The following MTA3 variants were observed in gnomAD, a reference collection of about 807,000 sequenced individuals.
MTA3 encodes metastasis-associated protein MTA3.
A neutral mutation model predicts 83.5 loss-of-function variants in MTA3; 34 were observed. The ratio of observed to expected loss-of-function variants is 0.41; its 90% CI spans 0.31 to 0.54. The LOEUF (loss-of-function observed/expected upper bound fraction) is 0.54, where lower values mean the gene tolerates loss of function less well. Among genes scored for constraint, MTA3 ranks in the 20% least tolerant of loss-of-function variants. MTA3 has a pLI of 0.33. For missense variants in MTA3, 761 were observed against 726.4 expected, an observed-to-expected ratio of 1.05 and a Z score of -0.55; for synonymous variants, 303 against 252.7, an observed-to-expected ratio of 1.20 and a Z score of -1.89.
At chr2:42,535,125 G>A (rs1420556663) in intron 2 of MTA3, among the ~76,000 whole-genome samples, 7 of 151,930 alleles carry the variant, frequency 4.6e-5, no homozygotes, top group East Asian at 3.9e-4. Flanking sequence ...GGTGGCTCAC[G>A]CCTGTAATCC....
chr2:42,694,926 C>G (rs1201916526), intron 9 of MTA3, among the ~76,000 whole-genome samples: 3 of 151,932 alleles, frequency 2.0e-5, no homozygotes, highest in Admixed American at 6.6e-5. Flanking sequence ...ATTCCTTGAA[C>G]CTAGTTGTTC....
intron 2 of MTA3, among the ~76,000 whole-genome samples, chr2:42,532,398 T>A (rs1676021417): frequency 1.3e-5 from 2 of 152,180 alleles, no homozygotes; most frequent in Admixed American, 1.3e-4. Flanking sequence ...TAATCCCAAC[T>A]ACCTGGGAGG....
Position 42,604,205 on chromosome 2 carries a change from C to T in MTA3, c.191-5253C>T, listed in dbSNP as rs1406535499. ...TACAGGCTCCCGCCACTATGCCCAG[C>T]TAATATTTTGTACTTTTAGTAGAGA... On this transcript the variant is annotated intron_variant, in intron 3 of 16. Transcript: ENST00000405094. Among the ~76,000 whole-genome samples the T allele has an allele frequency of 2.0e-5, 3 of 152,108 alleles. No homozygotes were observed. In the East Asian group the frequency reaches 5.8e-4, roughly 30 times the overall value.
intron 3 of MTA3, among the ~76,000 whole-genome samples, chr2:42,607,034 G>C (rs765882717): frequency 2.0e-5 from 3 of 146,914 alleles, no homozygotes; most frequent in Non-Finnish European, 3.0e-5. Context: ...GTCCAGCTTC[G>C]GCTCCGCATG....
rs146921280 is a variant in MTA3, at chr2:42,745,824, C to CTTTTTTTTTTTTTTTTTTTTTTGTTT, written c.1760-7542_1760-7541insTTTTTTTTTTTTTTGTTTTTTTTTTT. 1.7e-5 allele frequency among the ~76,000 whole-genome samples: 2 copies of CTTTTTTTTTTTTTTTTTTTTTTGTTT among 119,372 alleles called. 1 individual carries two copies. Among genetic ancestry groups the CTTTTTTTTTTTTTTTTTTTTTTGTTT allele is most frequent in the Non-Finnish European group, 3.4e-5 (2 of 58,290 alleles). The allele number at this position is 119,372 out of a possible 152,430, so 78.3% of individuals were successfully genotyped here. A position where few individuals can be genotyped will look rare whatever the true frequency, so the allele number is the denominator to read the frequency against. Reference sequence around the variant, plus strand: ...TTTTATGTCCTTTTGAAATAGTCCTCTTTTTTTTGAGACAGAGTCTCGCTC... The same window carrying CTTTTTTTTTTTTTTTTTTTTTTGTTT: ...TTTTATGTCCTTTTGAAATAGTCCTCTTTTTTTTTTTTTTTTTTTTTTGTTTTTTTTTTTGAGACAGAGTCTCGCTC... On this transcript the variant is annotated intron_variant, in intron 16 of 16. Transcript: ENST00000405094.
upstream of MTA3, among the ~76,000 whole-genome samples, chr2:42,563,784 C>A (rs1405357703): frequency 7.9e-6 from 1 of 126,092 alleles, no homozygotes; most frequent in Non-Finnish European, 1.7e-5. Context: ...ACATTCCTTC[C>A]TTCCTTCCTT....
At chr2:42,722,742 T>A in intron 15 of MTA3, 147 bp from the exon 16 acceptor site, 1 of 895,528 alleles carries the variant, frequency 1.1e-6, no homozygotes, top group Non-Finnish European at 1.7e-6. Context: ...CACTTGAAGC[T>A]GACTCATTAT....
Position 42,754,005 on chromosome 2 carries a change from C to A in MTA3, c.*606C>A. Reference sequence around the variant, plus strand: ...TACCCTCTGCATTCCTATATGTGACCCTCCCTCCTACTCCTCCAAGGAACA... The same window carrying A: ...TACCCTCTGCATTCCTATATGTGACACTCCCTCCTACTCCTCCAAGGAACA... On this transcript the variant is annotated 3_prime_UTR_variant, in exon 17 of 17. Coordinates refer to ENST00000405094, the MANE Select transcript of MTA3 (RefSeq NM_001330442.2). 1.0e-6 allele frequency: 1 copy of A among 985,310 alleles called. No homozygotes were observed. Among genetic ancestry groups the A allele is most frequent in the Non-Finnish European group, 1.2e-6 (1 of 829,882 alleles). The allele number at this position is 985,310 out of a possible 1,614,324, so 61.0% of individuals were successfully genotyped here.
chr2:42,612,244 C>T (rs1684313128), intron 4 of MTA3, among the ~76,000 whole-genome samples: 1 of 152,048 alleles, frequency 6.6e-6, no homozygotes, highest in African/African-American at 2.4e-5. Flanking sequence ...GTGCGGGATC[C>T]TGCTTTGTTG....
rs915166524 is a variant in MTA3, at chr2:42,502,989, TA to T, written c.-141+7744del. ...AAAAAAAAGCAAATAAATAAAACAT[TA>T]AAAAAAAAGGAAAGGGGTCCTGATC... On this transcript the variant is annotated intron_variant, in intron 2 of 17. Transcript: ENST00000405592. Among the ~76,000 whole-genome samples the T allele has an allele frequency of 3.7e-4, 55 of 148,310 alleles. 1 individual carries two copies. Among genetic ancestry groups the T allele is most frequent in the East Asian group, 1.6e-3 (8 of 5,096 alleles).
chr2:42,642,472 A>C (rs1025563750), intron 5 of MTA3, among the ~76,000 whole-genome samples: 1 of 152,042 alleles, frequency 6.6e-6, no homozygotes, highest in Non-Finnish European at 1.5e-5. Context: ...CCCAGGCAAC[A>C]TAGTGAGACG....
At chr2:42,622,868 A>C (rs962022045) in intron 4 of MTA3, among the ~76,000 whole-genome samples, 15 of 152,132 alleles carry the variant, frequency 9.9e-5, no homozygotes, top group African/African-American at 3.4e-4. Context: ...AAAGTGCTGG[A>C]GGACTTACGT....
At chr2:42,587,202 A>AT (rs949571400) in intron 3 of MTA3, among the ~76,000 whole-genome samples, 1 of 151,956 alleles carries the variant, frequency 6.6e-6, no homozygotes, top group Non-Finnish European at 1.5e-5. Context: ...CAAAAAAAAA[A>AT]GTAAAATAAA....
Position 42,753,730 on chromosome 2 carries a change from C to G in MTA3, c.*331C>G. 2.6e-6 allele frequency: 3 copies of G among 1,170,596 alleles called. No homozygotes were observed. Among genetic ancestry groups the G allele is most frequent in the Non-Finnish European group, 3.2e-6 (3 of 940,698 alleles). The allele number at this position is 1,170,596 out of a possible 1,614,324, so 72.5% of individuals were successfully genotyped here. A position where few individuals can be genotyped will look rare whatever the true frequency, so the allele number is the denominator to read the frequency against. On this transcript the variant is annotated 3_prime_UTR_variant, in exon 17 of 17. Transcript: ENST00000405094. ...GCGCCCCACCCAGCAACAGCGGCCA[C>G]TTGGCAGTGGGGCTGCTGCAAGCTC...
intron 4 of MTA3, among the ~76,000 whole-genome samples, chr2:42,638,506 G>A (rs770788940): frequency 1.3e-5 from 2 of 151,796 alleles, no homozygotes; most frequent in Non-Finnish European, 2.9e-5. Context: ...CCCCAACCGC[G>A]AGTAGCTGGG....
intron 2 of MTA3, chr2:42,532,716 G>C (rs138012701): frequency 6.1e-4 from 118 of 192,084 alleles, no homozygotes; most frequent in Admixed American, 1.3e-3. Flanking sequence ...TCAATGAAGA[G>C]AAACATTTTT....
intron 8 of MTA3, among the ~76,000 whole-genome samples, chr2:42,663,265 G>C (rs183219482): frequency 6.6e-6 from 1 of 152,298 alleles, no homozygotes; most frequent in East Asian, 1.9e-4. Flanking sequence ...TGACTTGCCT[G>C]AGGTAGAGAG....
At chr2:42,503,197 G>A (rs907199825) in intron 2 of MTA3, among the ~76,000 whole-genome samples, 3 of 152,122 alleles carry the variant, frequency 2.0e-5, no homozygotes, top group Non-Finnish European at 4.4e-5. Flanking sequence ...TTGATGATAC[G>A]CTGAACAAGG....
chr2:42,510,311 G>GAAAAAAAA (rs1260439717), intron 2 of MTA3, among the ~76,000 whole-genome samples: 1 of 87,378 alleles, frequency 1.1e-5, no homozygotes. Context: ...GGGCGACTCA[G>GAAAAAAAA]AAAAAAAAAA....
Sources: gnomAD v4.1 joint callset for allele counts (sites outside exome capture counted in the v4.1 genomes callset) on GRCh38, gnomAD v4.1.1 for gene constraint, MANE v1.5 for transcripts, NCBI Gene and HGNC (gene_info 2026-07-23, HGNC 2026-07-21) for gene names.